The following ASTN2 variants were observed in gnomAD, a reference collection of about 807,000 sequenced individuals.
ASTN2 encodes astrotactin 2, also known as astrotactin-2.
Under a neutral mutation model 139.8 loss-of-function variants are expected in ASTN2, and 54 were observed. The observed-to-expected ratio is 0.39, with a 90% CI of 0.31 to 0.48. The LOEUF is 0.48. Among genes scored for constraint, ASTN2 ranks in the 20% least tolerant of loss-of-function variants. The pLI is 0.95. For missense variants in ASTN2, 1,565 were observed against 1,725.1 expected (o/e 0.91, Z 1.64); for synonymous variants, 756 against 719.5 (o/e 1.05, Z -0.81).
At chr9:116,677,278 G>C (rs1255555137) in intron 16 of ASTN2, among the ~76,000 whole-genome samples, 1 of 151,842 alleles carries the variant, frequency 6.6e-6, no homozygotes, top group East Asian at 1.9e-4. Context: ...GGACTCCTTG[G>C]GAAAGACAGA....
At chr9:116,514,894 C>G (rs992289328) in intron 19 of ASTN2, among the ~76,000 whole-genome samples, 2 of 152,150 alleles carry the variant, frequency 1.3e-5, no homozygotes, top group African/African-American at 2.4e-5. Context: ...TGCCATCTGT[C>G]ACAGTTTTGC....
chr9:116,424,801 C>G lies in ASTN2; in HGVS notation c.*1050G>C, dbSNP rs145147406. Among the ~76,000 whole-genome samples the G allele has an allele frequency of 1.1e-4, 16 of 152,152 alleles. No individual in the cohort carries two copies. In the East Asian group the frequency reaches 3.1e-3, roughly 30 times the overall value. Reference sequence around the variant, plus strand: ...ACGGGGTTTCACCACATTAGCCAGGCTGGTCTCAAACTCCTGGCCTCAAGT... The same window carrying G: ...ACGGGGTTTCACCACATTAGCCAGGGTGGTCTCAAACTCCTGGCCTCAAGT... On this transcript the variant is annotated 3_prime_UTR_variant, in exon 23 of 23. Transcript: ENST00000313400.
intron 1 of ASTN2, among the ~76,000 whole-genome samples, chr9:117,303,284 A>G (rs1422521130): frequency 6.6e-6 from 1 of 152,170 alleles, no homozygotes; most frequent in Non-Finnish European, 1.5e-5. Context: ...TACAAGATTA[A>G]AATAGAAACC....
chr9:116,890,091 A>G (rs1455330286), intron 10 of ASTN2, among the ~76,000 whole-genome samples: 1 of 152,228 alleles, frequency 6.6e-6, no homozygotes, highest in African/African-American at 2.4e-5. Flanking sequence ...GAGGTATTGA[A>G]CTGAGTTTGT....
chr9:116,632,100 G>A (rs1856771702), intron 17 of ASTN2, among the ~76,000 whole-genome samples: 1 of 146,886 alleles, frequency 6.8e-6, no homozygotes. Flanking sequence ...GTGATAGAGT[G>A]AGACTGTGTC....
At chr9:116,454,806 G>A (rs542885563) in intron 20 of ASTN2, among the ~76,000 whole-genome samples, 9 of 152,184 alleles carry the variant, frequency 5.9e-5, no homozygotes, top group Non-Finnish European at 1.0e-4. Flanking sequence ...ACCAAGCATC[G>A]CATGTTCTCA....
rs571385642 is a variant in ASTN2, at chr9:117,203,772, G to A, written c.1015+10586C>T. Among the ~76,000 whole-genome samples the A allele has an allele frequency of 3.3e-5, 5 of 152,246 alleles. No individual in the cohort carries two copies. The South Asian group carries it at 1.0e-3, about 32-fold the overall frequency. ...TGACCTTGAGAGGCACCAACCTGAT[G>A]CCAGTAGGTTCGCTCCTGCATAGGG... is the stretch of plus-strand genomic sequence containing the variant. On this transcript the variant is annotated intron_variant, in intron 3 of 22. Coordinates refer to ENST00000313400, the MANE Select transcript of ASTN2 (RefSeq NM_001365068.1).
At chr9:117,106,740 C>T (rs1829113935) in intron 4 of ASTN2, among the ~76,000 whole-genome samples, 2 of 152,058 alleles carry the variant, frequency 1.3e-5, no homozygotes, top group Non-Finnish European at 2.9e-5. Context: ...TGTCTTGTTA[C>T]TTGAGCATAT....
intron 3 of ASTN2, among the ~76,000 whole-genome samples, chr9:117,198,479 G>A (rs993235437): frequency 1.3e-5 from 2 of 152,042 alleles, no homozygotes; most frequent in Non-Finnish European, 2.9e-5. Flanking sequence ...TGTTACATAG[G>A]TATATATGTG....
intron 16 of ASTN2, among the ~76,000 whole-genome samples, chr9:116,711,535 A>G (rs1283554469): frequency 6.6e-6 from 1 of 152,174 alleles, no homozygotes. Context: ...TTTGATCACC[A>G]GATTGGTGTA....
At chr9:116,893,478 C>T (rs746342387) in intron 10 of ASTN2, among the ~76,000 whole-genome samples, 1 of 152,042 alleles carries the variant, frequency 6.6e-6, no homozygotes, top group African/African-American at 2.4e-5. Flanking sequence ...CTGGCTATAC[C>T]CTCTTACTAG....
At chr9:117,173,856 G>T (rs1830851113) in intron 3 of ASTN2, among the ~76,000 whole-genome samples, 1 of 151,682 alleles carries the variant, frequency 6.6e-6, no homozygotes, top group Non-Finnish European at 1.5e-5. Flanking sequence ...AAAAATTAAT[G>T]ATATAGAAGA....
rs114086962 is a variant in ASTN2, at chr9:117,252,637, A to T, written c.631-37895T>A. Reference sequence around the variant, plus strand: ...GTTTTATATTTGCCAGGGACTAGATATGTCTTGTACTATTTAATCAGCAAT... The same window carrying T: ...GTTTTATATTTGCCAGGGACTAGATTTGTCTTGTACTATTTAATCAGCAAT... On this transcript the variant is annotated intron_variant, in intron 2 of 22. Coordinates refer to ENST00000313400, the MANE Select transcript of ASTN2 (RefSeq NM_001365068.1). Among the ~76,000 whole-genome samples, 717 of 152,314 alleles carry T rather than the reference A, an allele frequency of 4.7e-3. 4 individuals are homozygous for T. Among genetic ancestry groups the T allele is most frequent in the African/African-American group, 0.015 (632 of 41,562 alleles).
At chr9:117,310,928 T>C (rs986390576) in intron 1 of ASTN2, among the ~76,000 whole-genome samples, 5 of 152,190 alleles carry the variant, frequency 3.3e-5, no homozygotes, top group Non-Finnish European at 7.3e-5. Context: ...CATTTGGACA[T>C]GTTCTATCCT....
intron 3 of ASTN2, among the ~76,000 whole-genome samples, chr9:117,203,942 G>T (rs1831823141): frequency 6.6e-6 from 1 of 152,172 alleles, no homozygotes; most frequent in Non-Finnish European, 1.5e-5. Context: ...GGATTCATCA[G>T]AACTACCAGA....
At chr9:117,205,388 A>G (rs944572526) in intron 3 of ASTN2, among the ~76,000 whole-genome samples, 3 of 152,260 alleles carry the variant, frequency 2.0e-5, no homozygotes, top group African/African-American at 4.8e-5. Flanking sequence ...TTTTATTTTT[A>G]TATCTAATCC....
chr9:116,586,093 T>C (rs1440045847), intron 19 of ASTN2: 1 of 152,128 alleles, frequency 6.6e-6, no homozygotes, highest in South Asian at 2.1e-4. Context: ...AAACCACAAT[T>C]GCGTGCTATC....
chr9:117,100,626 A>ATTT (rs1828954469), intron 4 of ASTN2, among the ~76,000 whole-genome samples: 3 of 152,264 alleles, frequency 2.0e-5, no homozygotes, highest in African/African-American at 4.8e-5. Context: ...TGGAGAACAC[A>ATTT]GTTCTAGACA....
At chr9:116,639,017 G>T (rs1274412208) in intron 17 of ASTN2, among the ~76,000 whole-genome samples, 1 of 152,220 alleles carries the variant, frequency 6.6e-6, no homozygotes, top group African/African-American at 2.4e-5. Context: ...TGTAGAAGCA[G>T]ATGTGAGAGG....
Sources: allele counts gnomAD v4.1 joint callset (sites outside exome capture counted in the v4.1 genomes callset), GRCh38; gene constraint gnomAD v4.1.1; transcripts MANE v1.5; gene names NCBI Gene and HGNC (gene_info 2026-07-23, HGNC 2026-07-21).